Variants in MIR2052HG observed in about 807,000 individuals in gnomAD.
The protein encoded by MIR2052HG is MIR2052 host gene.
intron 2 of MIR2052HG, chr8:74,615,104 ACAGCAC>A (rs1378126167): frequency 6.6e-6 from 1 of 152,156 alleles, no homozygotes. Flanking sequence ...TACTTCATTG[ACAGCAC>A]CAGCCAAGTG....
At chr8:74,661,163 G>C (rs1025485810) in intron 2 of MIR2052HG, among the ~76,000 whole-genome samples, 8 of 150,116 alleles carry the variant, frequency 5.3e-5, no homozygotes, top group African/African-American at 1.5e-4. Context: ...GTTACCTGGT[G>C]ACATGAAAAA....
chr8:74,619,282 A>G (rs1263851435), intron 2 of MIR2052HG, among the ~76,000 whole-genome samples: 1 of 152,178 alleles, frequency 6.6e-6, no homozygotes, highest in Admixed American at 6.5e-5. Flanking sequence ...TAAAATTTGT[A>G]TGGAACCACA....
intron 1 of MIR2052HG, chr8:74,604,036 T>C (rs1011538166): frequency 2.2e-5 from 21 of 973,440 alleles, no homozygotes; most frequent in Non-Finnish European, 2.5e-5. Context: ...AGCAAAGCCT[T>C]TGAAGACGGC....
intron 2 of MIR2052HG, among the ~76,000 whole-genome samples, chr8:74,622,004 T>C (rs1211756461): frequency 1.3e-5 from 2 of 152,150 alleles, no homozygotes; most frequent in Non-Finnish European, 2.9e-5. Context: ...TGATTTTTTT[T>C]GGGTATGACC....
chr8:74,706,715 A>C (rs1271736562), intron 4 of MIR2052HG, among the ~76,000 whole-genome samples: 8 of 152,270 alleles, frequency 5.3e-5, no homozygotes, highest in Middle Eastern at 3.4e-3. Context: ...ATGCTTAACC[A>C]ATTGTAAAAA....
chr8:74,636,551 A>C (rs1383242274), intron 2 of MIR2052HG, among the ~76,000 whole-genome samples: 1 of 152,130 alleles, frequency 6.6e-6, no homozygotes, highest in Non-Finnish European at 1.5e-5. Context: ...AAGATCTTCA[A>C]ATTTCAGAAT....
chr8:74,750,766 A>G (rs1359329554), intron 4 of MIR2052HG, among the ~76,000 whole-genome samples: 1 of 152,216 alleles, frequency 6.6e-6, no homozygotes, highest in Non-Finnish European at 1.5e-5. Flanking sequence ...GGTTAAGTAG[A>G]TAAGGGTAAC....
At chr8:74,669,204 T>A (rs1808964392) in intron 2 of MIR2052HG, among the ~76,000 whole-genome samples, 1 of 152,244 alleles carries the variant, frequency 6.6e-6, no homozygotes, top group African/African-American at 2.4e-5. Context: ...CACTGCTCGA[T>A]GAATATCACT....
intron 4 of MIR2052HG, among the ~76,000 whole-genome samples, chr8:74,728,592 G>T (rs900469836): frequency 2.0e-5 from 3 of 152,168 alleles, no homozygotes; most frequent in Admixed American, 6.6e-5. Flanking sequence ...GCGTGCTAAG[G>T]ATTAAGTATA....
chr8:74,656,396 G>A (rs1297801152), intron 2 of MIR2052HG, among the ~76,000 whole-genome samples: 1 of 152,080 alleles, frequency 6.6e-6, no homozygotes, highest in East Asian at 1.9e-4. Context: ...TTGTGGGAGG[G>A]ACACAGTATG....
chr8:74,756,743 G>C (rs1810009131), intron 5 of MIR2052HG: 1 of 152,082 alleles, frequency 6.6e-6, no homozygotes, highest in Non-Finnish European at 1.5e-5. Flanking sequence ...GCTTATAATT[G>C]CTTGTTTGAT....
chr8:74,703,707 T>A, intron 4 of MIR2052HG: 1 of 445,514 alleles, frequency 2.2e-6, no homozygotes, highest in Admixed American at 2.4e-5. Flanking sequence ...TGCTATGCTG[T>A]GGGATCTGGA....
At chr8:74,660,756 A>G (rs927557933) in intron 2 of MIR2052HG, among the ~76,000 whole-genome samples, 16 of 152,132 alleles carry the variant, frequency 1.1e-4, no homozygotes, top group African/African-American at 3.9e-4. Flanking sequence ...GAGATAGTTT[A>G]TTGTATTATT....
chr8:74,755,039 C>T (rs1461550088), intron 5 of MIR2052HG, among the ~76,000 whole-genome samples: 1 of 152,168 alleles, frequency 6.6e-6, no homozygotes, highest in African/African-American at 2.4e-5. Flanking sequence ...TTAGGTCGTC[C>T]AGGGGACCCA....
At chr8:74,714,001 C>CT (rs1809496442) in intron 4 of MIR2052HG, among the ~76,000 whole-genome samples, 1 of 151,976 alleles carries the variant, frequency 6.6e-6, no homozygotes, top group Admixed American at 6.5e-5. Flanking sequence ...AAGAGAGTCT[C>CT]CTAAGAGACT....
At chr8:74,627,386 G>A (rs868229795) in intron 2 of MIR2052HG, among the ~76,000 whole-genome samples, 64 of 152,188 alleles carry the variant, frequency 4.2e-4, no homozygotes, top group African/African-American at 1.5e-3. Flanking sequence ...GAAAATATGG[G>A]CTCATAAAAA....
intron 2 of MIR2052HG, among the ~76,000 whole-genome samples, chr8:74,680,046 A>G (rs1287626208): frequency 6.6e-6 from 1 of 152,196 alleles, no homozygotes; most frequent in African/African-American, 2.4e-5. Flanking sequence ...GTCAACTTGG[A>G]AAACCCAAAT....
intron 2 of MIR2052HG, among the ~76,000 whole-genome samples, chr8:74,621,747 C>CAGAATGGAG (rs1808364095): frequency 6.6e-6 from 1 of 152,156 alleles, no homozygotes; most frequent in African/African-American, 2.4e-5. Flanking sequence ...ACCACCGGAA[C>CAGAATGGAG]AGAATGGAGA....
intron 4 of MIR2052HG, among the ~76,000 whole-genome samples, chr8:74,719,849 C>CTTTTTTTTTTTTTTTTTTTTT (rs10647233): frequency 1.0e-4 from 11 of 106,712 alleles, no homozygotes; most frequent in Non-Finnish European, 1.3e-4. Flanking sequence ...TTTCTTTTTT[C>CTTTTTTTTTTTTTTTTTTTTT]TTTTTTTTTT....
Sources: gnomAD v4.1 joint callset for allele counts (sites outside exome capture counted in the v4.1 genomes callset) on GRCh38, gnomAD v4.1.1 for gene constraint, MANE v1.5 for transcripts, NCBI Gene and HGNC (gene_info 2026-07-23, HGNC 2026-07-21) for gene names.